Variants in MAPK8IP1 observed in about 807,000 individuals in gnomAD.
MAPK8IP1 encodes the protein C-Jun-amino-terminal kinase-interacting protein 1.
A neutral mutation model predicts 72.6 loss-of-function variants in MAPK8IP1; 17 were observed. The observed-to-expected ratio is 0.23, with a 90% CI of 0.16 to 0.35. The LOEUF is 0.35. Among genes scored for constraint, MAPK8IP1 ranks in the 10% least tolerant of loss-of-function variants. MAPK8IP1 has a pLI of 1.00. For synonymous variants in MAPK8IP1, 401 were observed against 443.4 expected (o/e 0.90, Z 1.20); for missense variants, 789 against 1,009.7 (o/e 0.78, Z 2.96).
In MAPK8IP1 at chr11:45,903,196, AG is replaced by A. The variant is rs1266788663; in HGVS notation, c.1417+16del. 6.7e-7 allele frequency: 1 copy of A among 1,498,528 alleles called. No homozygotes were observed. The highest frequency in any genetic ancestry group is 9.2e-7 in the Non-Finnish European group (1 of 1,085,482). The allele number at this position is 1,498,528 out of a possible 1,614,324, so 92.8% of individuals were successfully genotyped here. A position where few individuals can be genotyped will look rare whatever the true frequency, so the allele number is the denominator to read the frequency against. Reference sequence around the variant, plus strand: ...CTCCCGCTCCTCCAGTGAGTCAGCAAGGGGAAGCAGTGGGGTGGGGGGGTCC... The same window carrying A: ...CTCCCGCTCCTCCAGTGAGTCAGCAAGGGAAGCAGTGGGGTGGGGGGGTCC... On this transcript the variant is annotated intron_variant, in intron 5 of 11. Transcript: ENST00000241014. The surrounding 1 kb of genome is among the most constrained non-coding windows in gnomAD (Gnocchi z 6.4).
Position 45,905,878 on chromosome 11 carries a change from A to G in MAPK8IP1, c.*157A>G. On this transcript the variant is annotated 3_prime_UTR_variant, in exon 12 of 12. Transcript: ENST00000241014. ...GCCCAGGGTAGGGGAGGGTGGGGCAATGGGGAGAGGCAAATGCAGTTTATT... is the reference window on the plus strand; with the variant it reads ...GCCCAGGGTAGGGGAGGGTGGGGCAGTGGGGAGAGGCAAATGCAGTTTATT... 2 of 712,196 alleles carry G rather than the reference A, an allele frequency of 2.8e-6. No homozygotes were observed. The highest frequency in any genetic ancestry group is 5.0e-6 in the Non-Finnish European group (2 of 398,154). The allele number at this position is 712,196 out of a possible 1,614,324, so 44.1% of individuals were successfully genotyped here.
At chr11:45,885,972 G>A in intron 1 of MAPK8IP1, 51 bp downstream of exon 1, 2 of 1,230,560 alleles carry the variant, frequency 1.6e-6, no homozygotes, top group Non-Finnish European at 2.2e-6. Context: ...GGACTGATCC[G>A]CATTGGCTGC....
Position 45,902,456 on chromosome 11 carries a change from G to T in MAPK8IP1, c.689G>T (p.Gly230Val). ...QSGPAPTTDR[G>V]TSTDSPCRRS... ...GGCCCCGCCCCCACCACAGATCGAG[G>T]CACCTCCACCGACAGCCCTTGCCGC... Residue 230 changes from glycine (G) to valine (V), a missense_variant, in exon 5 of 12, where the codon GGC becomes GTC. By Grantham distance (109) the Gly-to-Val change is moderately radical. Transcript: ENST00000241014. This position sits in a 1 kb window ranked among gnomAD's most constrained non-coding sequence, Gnocchi z 9.3. The T allele has an allele frequency of 6.3e-7, 1 of 1,599,790 alleles. No homozygotes were observed. The highest frequency in any genetic ancestry group is 8.5e-7 in the Non-Finnish European group (1 of 1,174,280).
intron 1 of MAPK8IP1, chr11:45,897,086 C>A: frequency 1.1e-6 from 1 of 878,716 alleles, no homozygotes; most frequent in Non-Finnish European, 1.8e-6. Flanking sequence ...AAGCCACCAT[C>A]TCTCCTGGGT....
In MAPK8IP1 at chr11:45,902,670, G is replaced by A. The variant is rs148774878; in HGVS notation, c.903G>A (p.Pro301=). ...CAGAGCCCACCTCCGCCTTCCTGCC[G>A]CCCACTGAGAGCCGGATGTCAGTCA... ...DAAEPTSAFL[P]PTESRMSVSS... Residue 301 remains proline (P), a synonymous_variant, in exon 5 of 12, where the codon CCG becomes CCA. Coordinates refer to ENST00000241014, the MANE Select transcript of MAPK8IP1 (RefSeq NM_005456.4). The surrounding 1 kb of genome is among the most constrained non-coding windows in gnomAD (Gnocchi z 9.3). 8.3e-5 allele frequency: 134 copies of A among 1,611,866 alleles called. No homozygotes were observed. The highest frequency in any genetic ancestry group is 1.2e-4 in the African/African-American group (9 of 74,890).
Position 45,896,851 on chromosome 11 carries a change from C to T in MAPK8IP1, c.102-1234C>T, listed in dbSNP as rs756953401. On this transcript the variant is annotated intron_variant, in intron 1 of 11. Transcript: ENST00000241014. The stretch of plus-strand genomic sequence containing the variant: ...GCATGAGAGGGCAGCCCTGGGGCCC[C>T]GCAGCCCCCCGGCCGGGCAGGGCTC... The T allele has an allele frequency of 1.0e-4, 157 of 1,548,404 alleles. 1 individual carries two copies. In the Middle Eastern group the frequency reaches 1.4e-3, roughly 13 times the overall value.
chr11:45,898,455 C>T (rs2086624287), intron 2 of MAPK8IP1, among the ~76,000 whole-genome samples: 1 of 151,990 alleles, frequency 6.6e-6, no homozygotes, highest in Admixed American at 6.6e-5. Context: ...ATGGGAGAGG[C>T]CAGGAAGTCT....
chr11:45,885,888 TG>T lies in MAPK8IP1; in HGVS notation c.72del (p.Leu25CysfsTer72). 1.4e-6 allele frequency: 2 copies of T among 1,468,426 alleles called. No homozygotes were observed. Among genetic ancestry groups the T allele is most frequent in the East Asian group, 3.0e-5 (1 of 33,490 alleles). 91.0% of individuals were successfully genotyped at this position (1,468,426 alleles called of 1,614,324 possible). Reference sequence around the variant, plus strand: ...TCCCCGCCCGCCGCCTCCCCGTTCCTGGGGCTGCACATCGCTTCGCCTCCCA... The same window carrying T: ...TCCCCGCCCGCCGCCTCCCCGTTCCTGGGCTGCACATCGCTTCGCCTCCCA... ...AASPPAASPFLGLHIASPPNF... is the reference protein window; with the variant it reads ...AASPPAASPFXGLHIASPPNF... On this transcript the variant is annotated frameshift_variant, in exon 1 of 12. Coordinates refer to ENST00000241014, the MANE Select transcript of MAPK8IP1 (RefSeq NM_005456.4). LOFTEE classifies it high-confidence loss of function.
intron 1 of MAPK8IP1, chr11:45,896,704 T>A (rs1268008608): frequency 7.0e-7 from 1 of 1,432,184 alleles, no homozygotes; most frequent in Non-Finnish European, 9.1e-7. Context: ...TCTCCTGGCC[T>A]GTCTATTTTT....
chr11:45,892,490 C>T (rs1205927116), intron 1 of MAPK8IP1, among the ~76,000 whole-genome samples: 5 of 151,086 alleles, frequency 3.3e-5, no homozygotes, highest in East Asian at 3.9e-4. Flanking sequence ...GGGAGGCCAC[C>T]GCGGGCCGCA....
intron 1 of MAPK8IP1, among the ~76,000 whole-genome samples, chr11:45,887,229 C>T (rs985991277): frequency 6.6e-6 from 1 of 152,234 alleles, no homozygotes; most frequent in African/African-American, 2.4e-5. Flanking sequence ...TACTTTCTAA[C>T]TGCATGACCC....
chr11:45,896,713 T>A, intron 1 of MAPK8IP1: 1 of 1,438,504 alleles, frequency 7.0e-7, no homozygotes. Context: ...CTGTCTATTT[T>A]TAATGAGCTC....
Position 45,885,750 on chromosome 11 carries a change from C to T in MAPK8IP1, c.-71C>T, listed in dbSNP as rs371004601. 1.1e-5 allele frequency: 10 copies of T among 925,444 alleles called. No homozygotes were observed. The highest frequency in any genetic ancestry group is 3.4e-5 in the East Asian group (1 of 29,764). 57.3% of individuals were successfully genotyped at this position (925,444 alleles called of 1,614,324 possible). On this transcript the variant is annotated 5_prime_UTR_variant, in exon 1 of 12. Coordinates refer to ENST00000241014, the MANE Select transcript of MAPK8IP1 (RefSeq NM_005456.4). The stretch of plus-strand genomic sequence containing the variant: ...GGCGGCGGCTGCCCTCTCGCCGCGC[C>T]TCCGCCTCCTTCGCAGCCGCCGCCT...
At chr11:45,886,006 C>A in intron 1 of MAPK8IP1, 85 bp downstream of exon 1, 5 of 800,800 alleles carry the variant, frequency 6.2e-6, no homozygotes, top group Non-Finnish European at 8.7e-6. Context: ...CACCCCAGAA[C>A]CTCGGGAACC....
chr11:45,903,989 G>T lies in MAPK8IP1; in HGVS notation c.1494G>T (p.Arg498Ser). 6.2e-7 allele frequency: 1 copy of T among 1,612,968 alleles called. No individual in the cohort carries two copies. Among genetic ancestry groups the T allele is most frequent in the Non-Finnish European group, 8.5e-7 (1 of 1,179,918 alleles). ...TCTCACCTGTCCTTGCTGGGGACAG[G>T]TTTGTGCCTCGACACGAAGACGAAC... The part of the protein sequence containing the change: ...EQEQTHRAIF[R>S]FVPRHEDELE... Residue 498 changes from arginine to serine, a missense_variant and splice_region_variant, in exon 7 of 12, where the codon AGG (arginine) becomes AGT (serine). By Grantham distance (110) the Arg-to-Ser change is moderately radical (BLOSUM62 -1). Coordinates refer to ENST00000241014, the MANE Select transcript of MAPK8IP1 (RefSeq NM_005456.4). This position sits in a 1 kb window ranked among gnomAD's most constrained non-coding sequence, Gnocchi z 6.4.
At chr11:45,896,675 G>T in intron 1 of MAPK8IP1, 1 of 1,406,090 alleles carries the variant, frequency 7.1e-7, no homozygotes, top group Non-Finnish European at 9.2e-7. Flanking sequence ...TGGGACCCGG[G>T]TCGGCAGCTG....
rs1420611821 is a variant in MAPK8IP1, at chr11:45,900,021, G to C, written c.208-117G>C. 5 of 623,168 alleles carry C rather than the reference G, an allele frequency of 8.0e-6. No homozygotes were observed. The highest frequency in any genetic ancestry group is 6.5e-6 in the Non-Finnish European group (3 of 464,744). The allele number at this position is 623,168 out of a possible 1,614,324, so 38.6% of individuals were successfully genotyped here. On this transcript the variant is annotated intron_variant, in intron 2 of 11. Transcript: ENST00000241014. This position sits in a 1 kb window ranked among gnomAD's most constrained non-coding sequence, Gnocchi z 6.5. ...CCCCAGTCTCCGGCGGCCCCTGCTC[G>C]GCTCCCCTCGTGCCCCCTTCGCGCC...
chr11:45,903,110 C>T lies in MAPK8IP1; in HGVS notation c.1343C>T (p.Thr448Met), dbSNP rs777327028. The T allele has an allele frequency of 1.3e-5, 21 of 1,610,380 alleles. No individual in the cohort carries two copies. The highest frequency in any genetic ancestry group is 4.5e-5 in the East Asian group (2 of 44,846). ...QPPACLSEDS[T>M]PDEPDVHFSK... Reference sequence around the variant, plus strand: ...CCTGCCTGCCTCTCCGAGGACTCCACGCCTGATGAACCCGACGTCCATTTC... The same window carrying T: ...CCTGCCTGCCTCTCCGAGGACTCCATGCCTGATGAACCCGACGTCCATTTC... The change falls in exon 5 of 12, where the codon ACG becomes ATG. Residue 448 changes from threonine to methionine, a missense_variant. Physicochemically the swap from Thr to Met is moderately conservative, Grantham distance 81 (BLOSUM62 -1). This residue lies in a region of MAPK8IP1 where 377 missense variants were observed against 411.7 expected (regional missense o/e 0.92). Transcript: ENST00000241014. This position sits in a 1 kb window ranked among gnomAD's most constrained non-coding sequence, Gnocchi z 6.4.
In MAPK8IP1 at chr11:45,902,782, C is replaced by T. The variant is rs1327988272; in HGVS notation, c.1015C>T (p.Leu339=). The T allele has an allele frequency of 1.4e-5, 22 of 1,595,138 alleles. No individual in the cohort carries two copies. The highest frequency in any genetic ancestry group is 1.9e-5 in the Non-Finnish European group (22 of 1,174,112). ...ISEEEEGFDC[L]SSPERAEPPG... is the part of the protein sequence containing the mutation. ...TGAAGAGGAAGAGGGCTTCGACTGC[C>T]TGTCGTCCCCAGAGCGGGCTGAGCC... Residue 339 remains leucine, a synonymous_variant, in exon 5 of 12, where the codon CTG becomes TTG. Transcript: ENST00000241014. This position sits in a 1 kb window ranked among gnomAD's most constrained non-coding sequence, Gnocchi z 9.3.
Sources: allele counts gnomAD v4.1 joint callset (sites outside exome capture counted in the v4.1 genomes callset), GRCh38; gene constraint gnomAD v4.1.1; regional missense constraint gnomAD v4.1.1; non-coding constraint Gnocchi (gnomAD v3.1); transcripts MANE v1.5; gene names NCBI Gene and HGNC (gene_info 2026-07-23, HGNC 2026-07-21).